The following LIMD2 variants were observed in gnomAD, a reference collection of about 807,000 sequenced individuals.
LIMD2 encodes the protein LIM domain containing 2, also known as LIM domain-containing protein 2.
A neutral mutation model predicts 16.0 loss-of-function variants in LIMD2; 11 were observed. The ratio of observed to expected loss-of-function variants is 0.69; its 90% CI spans 0.43 to 1.14. The LOEUF (loss-of-function observed/expected upper bound fraction) is 1.14, where lower values mean the gene tolerates loss of function less well. LIMD2 is among the 50% of genes most tolerant of loss of function. LIMD2 has a pLI of 0.00. For synonymous variants in LIMD2, 60 were observed against 67.1 expected (o/e 0.89, Z 0.52); for missense variants, 168 against 165.8 (o/e 1.01, Z -0.07).
chr17:63,699,391 C>T, intron 1 of LIMD2, 43 bp from the exon 2 acceptor site: 1 of 1,499,718 alleles, frequency 6.7e-7, no homozygotes, highest in Non-Finnish European at 8.9e-7. Flanking sequence ...CAGCCCGGCC[C>T]CAGCCTGCAG....
chr17:63,699,767 C>A (rs2035756787), intron 1 of LIMD2: 1 of 762,292 alleles, frequency 1.3e-6, no homozygotes, highest in Non-Finnish European at 1.6e-6. Flanking sequence ...GGACAGCGCC[C>A]GAGGTCCCCG....
rs1229350185 is a variant in LIMD2 at position 63,696,616 on chromosome 17, A to ATAT, written c.*1933_*1935dup. ...TGGCTGAGTTCCCGGAGCTTTCATG[A>ATAT]TATTTGGTAGGGTCTTCCTGGCCCA... On this transcript the variant is annotated 3_prime_UTR_variant, in exon 5 of 5. Coordinates refer to ENST00000259006, the MANE Select transcript of LIMD2 (RefSeq NM_030576.4). 6.6e-6 allele frequency: 1 copy of ATAT among 152,120 alleles called. No individual in the cohort carries two copies. The highest frequency in any genetic ancestry group is 1.9e-4 in the East Asian group (1 of 5,184). 9.4% of individuals were successfully genotyped at this position (152,120 alleles called of 1,614,324 possible). A position where few individuals can be genotyped will look rare whatever the true frequency, so the allele number is the denominator to read the frequency against.
rs973915393 is a variant in LIMD2 at position 63,695,923 on chromosome 17, T to A, written c.*2629A>T. The stretch of plus-strand genomic sequence containing the variant: ...AGTTGTTGCTTAATTTATTGTTTTT[T>A]AATAACTAATCCAGATAAAAAGTTG... On this transcript the variant is annotated 3_prime_UTR_variant, in exon 5 of 5. Coordinates refer to ENST00000259006, the MANE Select transcript of LIMD2 (RefSeq NM_030576.4). The surrounding 1 kb of genome is among the most constrained non-coding windows in gnomAD (Gnocchi z 4.1). The A allele has an allele frequency of 5.2e-5, 8 of 152,640 alleles. No homozygotes were observed. The highest frequency in any genetic ancestry group is 1.9e-4 in the East Asian group (1 of 5,188). 9.5% of individuals were successfully genotyped at this position (152,640 alleles called of 1,614,324 possible). A position where few individuals can be genotyped will look rare whatever the true frequency, so the allele number is the denominator to read the frequency against.
chr17:63,699,132 CA>C, intron 2 of LIMD2, 63 bp from the exon 3 acceptor site: 1 of 1,578,916 alleles, frequency 6.3e-7, no homozygotes, highest in Non-Finnish European at 8.6e-7. Context: ...GGGCTGCAGC[CA>C]TCAGCCCAAG....
At chr17:63,699,938 T>C in intron 1 of LIMD2, 94 bp downstream of exon 1, 1 of 983,076 alleles carries the variant, frequency 1.0e-6, no homozygotes, top group Non-Finnish European at 1.2e-6. Context: ...GCTCGCAGAC[T>C]CGCCGGGACC....
upstream of LIMD2, chr17:63,700,226 G>C (rs961972266): frequency 1.9e-5 from 18 of 931,950 alleles, no homozygotes; most frequent in Admixed American, 8.2e-4. This position sits in a 1 kb window ranked among gnomAD's most constrained non-coding sequence, Gnocchi z 7.1. Context: ...AGCCGCCTTC[G>C]GGGCCCCGGC....
At position 63,699,312 on chromosome 17, in the gene LIMD2, T is replaced by G. The variant is rs1222631961; in HGVS notation, c.-14A>C. On this transcript the variant is annotated 5_prime_UTR_variant, in exon 2 of 5. Transcript: ENST00000259006. ...AGCCTGGAACATGGCTCGTTGGAGG[T>G]GGAAGCCTCGGGTGGAGAAGCGGCA... 6.2e-7 allele frequency: 1 copy of G among 1,601,288 alleles called. No homozygotes were observed. The highest frequency in any genetic ancestry group is 1.7e-5 in the Admixed American group (1 of 58,412).
chr17:63,698,807 G>C lies in LIMD2; in HGVS notation c.216C>G (p.Thr72=). 6.2e-7 allele frequency: 1 copy of C among 1,612,454 alleles called. No individual in the cohort carries two copies. ...GCAGGGCAGGGGCGCACCTGAGCTT[G>C]GTGTGACAGTGCTTGCAGCAGAAGC... is the stretch of plus-strand genomic sequence containing the variant. ...NSCFCCKHCH[T]KLSLGSYAAL... Residue 72 remains threonine, a synonymous_variant, in exon 4 of 5, where the codon ACC becomes ACG. Coordinates refer to ENST00000259006, the MANE Select transcript of LIMD2 (RefSeq NM_030576.4).
At position 63,699,252 on chromosome 17, in the gene LIMD2, C is replaced by CT; in HGVS notation, c.42+4dup. 6.2e-7 allele frequency: 1 copy of CT among 1,611,836 alleles called. No homozygotes were observed. Among genetic ancestry groups the CT allele is most frequent in the Non-Finnish European group, 8.5e-7 (1 of 1,179,578 alleles). On this transcript the variant is annotated splice_donor_region_variant and intron_variant, in intron 2 of 4. Coordinates refer to ENST00000259006, the MANE Select transcript of LIMD2 (RefSeq NM_030576.4). ...GGGGGCCCTCCCACCCAGCCGGGCA[C>CT]TTACATGAGAGGGGGTGGCCTGGGC...
Position 63,698,702 on chromosome 17 carries a change from G to C in LIMD2, c.234C>G (p.Ser78Arg). 6.2e-7 allele frequency: 1 copy of C among 1,613,502 alleles called. No individual in the cohort carries two copies. The highest frequency in any genetic ancestry group is 8.5e-7 in the Non-Finnish European group (1 of 1,179,984). ...KHCHTKLSLGSYAALHGEFYC... is the reference protein window; with the variant it reads ...KHCHTKLSLGRYAALHGEFYC... ...AGAACTCCCCGTGCAGCGCGGCGTA[G>C]CTGCCCAGGCTGCAGAAGCCAAACA... Residue 78 changes from serine to arginine, a missense_variant, in exon 5 of 5, where the codon AGC (serine) becomes AGG (arginine). Physicochemically the swap from Ser to Arg is moderately radical, Grantham distance 110. Coordinates refer to ENST00000259006, the MANE Select transcript of LIMD2 (RefSeq NM_030576.4).
At chr17:63,700,913 C>T (rs1266166566), upstream of LIMD2, 1 of 152,198 alleles carries the variant, frequency 6.6e-6, no homozygotes, top group East Asian at 1.9e-4. This position sits in a 1 kb window ranked among gnomAD's most constrained non-coding sequence, Gnocchi z 7.1. Context: ...CCCCGAGGCT[C>T]CACGTACTCA....
rs2143660162 is a variant in LIMD2, at chr17:63,696,321, G to A, written c.*2231C>T. 1 of 152,696 alleles carries A rather than the reference G, an allele frequency of 6.5e-6. No individual in the cohort carries two copies. The highest frequency in any genetic ancestry group is 1.5e-5 in the Non-Finnish European group (1 of 68,072). The allele number at this position is 152,696 out of a possible 1,614,324, so 9.5% of individuals were successfully genotyped here. A position where few individuals can be genotyped will look rare whatever the true frequency, so the allele number is the denominator to read the frequency against. On this transcript the variant is annotated 3_prime_UTR_variant, in exon 5 of 5. Coordinates refer to ENST00000259006, the MANE Select transcript of LIMD2 (RefSeq NM_030576.4). Reference sequence around the variant, plus strand: ...ATCATTTATATCAGAGGGGTCCTGTGGCAGTGCTTTCAGTTGTGGGGGGTG... The same window carrying A: ...ATCATTTATATCAGAGGGGTCCTGTAGCAGTGCTTTCAGTTGTGGGGGGTG...
rs2035710473 is a variant in LIMD2, at chr17:63,697,530, G to T, written c.*1022C>A. ...TCCCGCTCTCAGGCCTCTTCACAAT[G>T]GGGTGCATATGGTAAGTTGGTGGGT... On this transcript the variant is annotated 3_prime_UTR_variant, in exon 5 of 5. Coordinates refer to ENST00000259006, the MANE Select transcript of LIMD2 (RefSeq NM_030576.4). 6.6e-6 allele frequency: 1 copy of T among 152,174 alleles called. No homozygotes were observed. The highest frequency in any genetic ancestry group is 1.5e-5 in the Non-Finnish European group (1 of 68,036). 9.4% of individuals were successfully genotyped at this position (152,174 alleles called of 1,614,324 possible).
In LIMD2 at chr17:63,698,391, GGAA is replaced by G. The variant is rs2035725120; in HGVS notation, c.*158_*160del. The G allele has an allele frequency of 2.5e-6, 2 of 810,578 alleles. No homozygotes were observed. Among genetic ancestry groups the G allele is most frequent in the South Asian group, 3.7e-5 (2 of 54,760 alleles). 50.2% of individuals were successfully genotyped at this position (810,578 alleles called of 1,614,324 possible). ...TCACCGGCTGCGGGAGAAGGAAGAAGGAAGGAGTCCTGGAGCAGAGCCCTGCCC... is the reference window on the plus strand; with the variant it reads ...TCACCGGCTGCGGGAGAAGGAAGAAGGGAGTCCTGGAGCAGAGCCCTGCCC... On this transcript the variant is annotated 3_prime_UTR_variant, in exon 5 of 5. Transcript: ENST00000259006.
intron 1 of LIMD2, 195 bp from the exon 2 acceptor site, chr17:63,699,543 T>A: frequency 1.9e-6 from 1 of 523,172 alleles, no homozygotes; most frequent in South Asian, 2.8e-5. Context: ...GGGTCCCGAG[T>A]GGCACCGTCC....
chr17:63,698,550 C>G lies in LIMD2; in HGVS notation c.*2G>C, dbSNP rs1471135240. Reference sequence around the variant, plus strand: ...CAGAGGGGGTGGAAGGTTACAGAGGCCTCAGGCCGTCTTGGTGCCGGGGTC... The same window carrying G: ...CAGAGGGGGTGGAAGGTTACAGAGGGCTCAGGCCGTCTTGGTGCCGGGGTC... On this transcript the variant is annotated 3_prime_UTR_variant, in exon 5 of 5. Transcript: ENST00000259006. 1 of 1,613,270 alleles carries G rather than the reference C, an allele frequency of 6.2e-7. No homozygotes were observed. Among genetic ancestry groups the G allele is most frequent in the African/African-American group, 1.3e-5 (1 of 74,930 alleles).
upstream of LIMD2, chr17:63,700,528 C>CG (rs939424603): frequency 2.6e-5 from 4 of 152,044 alleles, no homozygotes; most frequent in African/African-American, 9.7e-5. The surrounding 1 kb of genome is among the most constrained non-coding windows in gnomAD (Gnocchi z 7.1). Context: ...GGCCTGGCTC[C>CG]GGGATAACCG....
At chr17:63,699,981 G>T (rs1335401564) in intron 1 of LIMD2, 51 bp downstream of exon 1, 34 of 983,740 alleles carry the variant, frequency 3.5e-5, no homozygotes, top group African/African-American at 5.3e-5. Flanking sequence ...ACCCCTCGGC[G>T]CCTCTCCCGG....
chr17:63,697,465 C>A lies in LIMD2; in HGVS notation c.*1087G>T, dbSNP rs1485063884. Reference sequence around the variant, plus strand: ...AGCTTGCACCCCAGGCACTGAAGTGCAGCGAGGACAGGCGCCATCACCCAC... The same window carrying A: ...AGCTTGCACCCCAGGCACTGAAGTGAAGCGAGGACAGGCGCCATCACCCAC... On this transcript the variant is annotated 3_prime_UTR_variant, in exon 5 of 5. Coordinates refer to ENST00000259006, the MANE Select transcript of LIMD2 (RefSeq NM_030576.4). The A allele has an allele frequency of 6.6e-6, 1 of 152,240 alleles. No individual in the cohort carries two copies. Among genetic ancestry groups the A allele is most frequent in the African/African-American group, 2.4e-5 (1 of 41,450 alleles). 9.4% of individuals were successfully genotyped at this position (152,240 alleles called of 1,614,324 possible). A position where few individuals can be genotyped will look rare whatever the true frequency, so the allele number is the denominator to read the frequency against.
Sources: gnomAD v4.1 joint callset for allele counts on GRCh38, gnomAD v4.1.1 for gene constraint, Gnocchi (gnomAD v3.1) non-coding constraint, MANE v1.5 for transcripts, NCBI Gene and HGNC (gene_info 2026-07-23, HGNC 2026-07-21) for gene names.